BNC2: variants seen among roughly 807,000 people sequenced by gnomAD.
BNC2 encodes the protein basonuclin zinc finger protein 2.
In BNC2, 20 loss-of-function variants were observed where a neutral mutation model predicts 76.3. The ratio of observed to expected loss-of-function variants is 0.26; its 90% CI spans 0.18 to 0.38. The LOEUF is 0.38. Among genes scored for constraint, BNC2 ranks in the 10% least tolerant of loss-of-function variants. BNC2 has a pLI of 1.00. For synonymous variants in BNC2, 582 were observed against 514.8 expected, an observed-to-expected ratio of 1.13 and a Z score of -1.77; for missense variants, 1,382 against 1,399.8, an observed-to-expected ratio of 0.99 and a Z score of 0.20.
At chr9:16,789,880 C>T (rs4961760) in intron 1 of BNC2, among the ~76,000 whole-genome samples, 133,703 of 152,220 alleles carry the variant, frequency 0.88, 58,933 homozygotes, top group Non-Finnish European at 0.93. Context: ...TTGGCCTGTC[C>T]ACTTTGTTGG....
At position 16,414,299 on chromosome 9, in the gene BNC2, G is replaced by C. The variant is rs1423241470; in HGVS notation, c.*4690C>G. On this transcript the variant is annotated 3_prime_UTR_variant, in exon 7 of 7. Coordinates refer to ENST00000380672, the MANE Select transcript of BNC2 (RefSeq NM_017637.6). ...AGTGCATTCATGATTTCCTTTTCTA[G>C]CTACCCCAAAACCAGGGCAGGAACC... is the stretch of plus-strand genomic sequence containing the variant. 1 of 152,132 alleles carries C rather than the reference G, an allele frequency of 6.6e-6. No individual in the cohort carries two copies. Among genetic ancestry groups the C allele is most frequent in the Admixed American group, 6.6e-5 (1 of 15,254 alleles). 9.4% of individuals were successfully genotyped at this position (152,132 alleles called of 1,614,324 possible).
chr9:16,523,163 G>A (rs750576149), intron 5 of BNC2, among the ~76,000 whole-genome samples: 5 of 152,090 alleles, frequency 3.3e-5, no homozygotes, highest in Non-Finnish European at 7.4e-5. Context: ...AACATAACAC[G>A]GAAAGGGTTT....
At chr9:16,527,412 C>T (rs145512057) in intron 5 of BNC2, among the ~76,000 whole-genome samples, 4 of 152,246 alleles carry the variant, frequency 2.6e-5, no homozygotes, top group East Asian at 1.9e-4. Context: ...CACTGTTTTG[C>T]GGTCTAAATG....
chr9:16,614,655 T>TA (rs60917775), intron 3 of BNC2, among the ~76,000 whole-genome samples: 131,357 of 151,044 alleles, frequency 0.87, 58,284 homozygotes, highest in East Asian at 0.98. Context: ...TGCATGAAGT[T>TA]AAAAAAAATG....
At chr9:16,522,921 C>T (rs1244865678) in intron 5 of BNC2, among the ~76,000 whole-genome samples, 1 of 152,116 alleles carries the variant, frequency 6.6e-6, no homozygotes, top group African/African-American at 2.4e-5. Flanking sequence ...AAGCCTAAAA[C>T]CATGATGGGA....
chr9:16,576,032 A>T (rs971888307), intron 4 of BNC2, among the ~76,000 whole-genome samples: 2 of 152,208 alleles, frequency 1.3e-5, no homozygotes, highest in South Asian at 4.1e-4. Flanking sequence ...TTCTGAACAA[A>T]GCCCTAGAAA....
At chr9:16,752,108 T>G (rs548769075) in intron 1 of BNC2, among the ~76,000 whole-genome samples, 3 of 152,320 alleles carry the variant, frequency 2.0e-5, no homozygotes, top group African/African-American at 7.2e-5. Context: ...AAGACTGTTC[T>G]AATAATTTCT....
chr9:16,507,396 G>C (rs911510128), intron 5 of BNC2, among the ~76,000 whole-genome samples: 3 of 151,482 alleles, frequency 2.0e-5, no homozygotes, highest in African/African-American at 7.3e-5. Context: ...AGTAGCTGAG[G>C]CTACAGGCGC....
intron 3 of BNC2, among the ~76,000 whole-genome samples, chr9:16,698,887 C>G (rs1176883702): frequency 6.6e-6 from 1 of 152,166 alleles, no homozygotes; most frequent in Non-Finnish European, 1.5e-5. Context: ...TTGGTGATAG[C>G]CCTTCAGGCA....
chr9:16,827,026 G>A (rs774234097), intron 1 of BNC2, among the ~76,000 whole-genome samples: 2 of 152,216 alleles, frequency 1.3e-5, no homozygotes, highest in Non-Finnish European at 2.9e-5. Context: ...CAGATAACCA[G>A]CAATAAGTGC....
chr9:16,814,627 T>A (rs1426539620), intron 1 of BNC2, among the ~76,000 whole-genome samples: 2 of 152,204 alleles, frequency 1.3e-5, no homozygotes, highest in African/African-American at 4.8e-5. Flanking sequence ...GGTAAACAGA[T>A]GACCACCACT....
chr9:16,481,303 G>A (rs913738113), intron 5 of BNC2, among the ~76,000 whole-genome samples: 1 of 152,142 alleles, frequency 6.6e-6, no homozygotes, highest in Non-Finnish European at 1.5e-5. Flanking sequence ...GCCCGAGCCA[G>A]CAGTGGCAAC....
At chr9:16,824,338 C>T (rs1455494892) in intron 1 of BNC2, among the ~76,000 whole-genome samples, 5 of 152,028 alleles carry the variant, frequency 3.3e-5, no homozygotes, top group African/African-American at 1.2e-4. Flanking sequence ...AGACTTGAAA[C>T]TTCTGGAAAT....
In BNC2 at chr9:16,432,880, C is replaced by T. The variant is rs558480019; in HGVS notation, c.2639+2675G>A. ...CCAAGGAGATAAAATTCCTGGGGTT[C>T]TCGTGACTAACAAAGTAAAAGTGAA... On this transcript the variant is annotated intron_variant, in intron 6 of 6. Transcript: ENST00000380672. Among the ~76,000 whole-genome samples, 3 of 152,280 alleles carry T rather than the reference C, an allele frequency of 2.0e-5. No homozygotes were observed. In the East Asian group the frequency reaches 5.8e-4, roughly 29 times the overall value.
chr9:16,700,563 A>G (rs888644612), intron 3 of BNC2, among the ~76,000 whole-genome samples: 4 of 152,218 alleles, frequency 2.6e-5, no homozygotes, highest in African/African-American at 9.6e-5. Flanking sequence ...CTCCTGACTC[A>G]GCCTCCCAAG....
At chr9:16,429,918 A>T (rs750447405) in intron 6 of BNC2, 11 of 512,350 alleles carry the variant, frequency 2.1e-5, no homozygotes, top group South Asian at 1.6e-4. Flanking sequence ...CATTAGGAAG[A>T]TCCGAGGCTC....
At position 16,788,289 on chromosome 9, in the gene BNC2, C is replaced by T. The variant is rs377691388; in HGVS notation, c.4-49804G>A. On this transcript the variant is annotated intron_variant, in intron 1 of 6. Transcript: ENST00000380672. ...CATTCCTGGGCCAGGCGCGGTGGCTCACGCCTGTAATCCCAGCACTCTGGG... is the reference window on the plus strand; with the variant it reads ...CATTCCTGGGCCAGGCGCGGTGGCTTACGCCTGTAATCCCAGCACTCTGGG... 1.9e-3 allele frequency among the ~76,000 whole-genome samples: 287 copies of T among 152,148 alleles called. 1 individual carries two copies. The highest frequency in any genetic ancestry group is 3.7e-3 in the African/African-American group (154 of 41,512).
intron 1 of BNC2, among the ~76,000 whole-genome samples, chr9:16,837,257 G>A (rs1299868835): frequency 1.3e-5 from 2 of 152,198 alleles, no homozygotes; most frequent in East Asian, 1.9e-4. Context: ...TGTAATCCCA[G>A]CACTTTGGGA....
intron 3 of BNC2, among the ~76,000 whole-genome samples, chr9:16,611,394 G>T (rs188135686): frequency 1.3e-5 from 2 of 152,218 alleles, no homozygotes; most frequent in Admixed American, 6.5e-5. Flanking sequence ...AAAGTGAACT[G>T]TGGCACAAAT....
Sources: gnomAD v4.1 joint callset for allele counts (sites outside exome capture counted in the v4.1 genomes callset) on GRCh38, gnomAD v4.1.1 for gene constraint, MANE v1.5 for transcripts, NCBI Gene and HGNC (gene_info 2026-07-23, HGNC 2026-07-21) for gene names.